SERPINI1: variants seen among roughly 807,000 people sequenced by gnomAD.
SERPINI1 encodes the protein serpin family I member 1.
SERPINI1 carries 19 observed loss-of-function variants against 41.1 expected under a neutral mutation model. The observed-to-expected ratio is 0.46, with a 90% CI of 0.32 to 0.68. The LOEUF is 0.68. SERPINI1 is among the 30% of genes least tolerant of loss of function. The pLI is 0.03. For synonymous variants in SERPINI1, 138 were observed against 156.6 expected, an observed-to-expected ratio of 0.88 and a Z score of 0.89; for missense variants, 460 against 479.2, an observed-to-expected ratio of 0.96 and a Z score of 0.37.
intron 5 of SERPINI1, among the ~76,000 whole-genome samples, chr3:167,799,577 C>G (rs1490930131): frequency 6.6e-6 from 1 of 152,152 alleles, no homozygotes. Context: ...ATTGCTGGGT[C>G]AAATGCTATT....
At chr3:167,739,658 T>G (rs1378671708) in intron 1 of SERPINI1, among the ~76,000 whole-genome samples, 1 of 152,212 alleles carries the variant, frequency 6.6e-6, no homozygotes, top group Non-Finnish European at 1.5e-5. Context: ...ATACCTTTGT[T>G]GAAGCTTATC....
intron 6 of SERPINI1, among the ~76,000 whole-genome samples, chr3:167,813,679 G>A (rs1036403264): frequency 6.6e-6 from 1 of 152,106 alleles, no homozygotes; most frequent in Non-Finnish European, 1.5e-5. Flanking sequence ...CTGTTAGCAC[G>A]TTTCATTTTC....
chr3:167,746,225 T>G (rs574059301), intron 1 of SERPINI1, among the ~76,000 whole-genome samples: 1 of 152,272 alleles, frequency 6.6e-6, no homozygotes, highest in South Asian at 2.1e-4. Flanking sequence ...CAACTGGATA[T>G]CTACATGGAA....
At chr3:167,793,574 A>G (rs1280745050) in intron 4 of SERPINI1, among the ~76,000 whole-genome samples, 1 of 121,068 alleles carries the variant, frequency 8.3e-6, no homozygotes, top group Non-Finnish European at 1.7e-5. Context: ...CTTTCTCTAC[A>G]AATATATATA....
At chr3:167,740,786 G>T (rs1335910581) in intron 1 of SERPINI1, among the ~76,000 whole-genome samples, 1 of 152,152 alleles carries the variant, frequency 6.6e-6, no homozygotes, top group African/African-American at 2.4e-5. Context: ...ATGCTATTTG[G>T]GGTTTATGTG....
chr3:167,806,564 GT>G (rs1354201203), intron 5 of SERPINI1, among the ~76,000 whole-genome samples: 1 of 152,030 alleles, frequency 6.6e-6, no homozygotes, highest in African/African-American at 2.4e-5. Context: ...TTGATTAATA[GT>G]TTTTTTGTGA....
At chr3:167,808,252 G>A (rs1309993649) in intron 6 of SERPINI1, among the ~76,000 whole-genome samples, 1 of 149,150 alleles carries the variant, frequency 6.7e-6, no homozygotes, top group East Asian at 1.9e-4. Context: ...AAATCCAATT[G>A]AATTATTTGA....
At chr3:167,785,305 G>A (rs114188258) in intron 1 of SERPINI1, among the ~76,000 whole-genome samples, 4,436 of 152,226 alleles carry the variant, frequency 0.029, 234 homozygotes, top group African/African-American at 0.1. Flanking sequence ...TGCAGAGTGC[G>A]GATTAATACC....
chr3:167,737,374 G>C (rs562377322), intron 1 of SERPINI1, among the ~76,000 whole-genome samples: 10 of 152,208 alleles, frequency 6.6e-5, no homozygotes, highest in African/African-American at 2.4e-4. Flanking sequence ...AGCAACAGTA[G>C]CTGCTAAACT....
chr3:167,803,943 G>A (rs1341047731), intron 5 of SERPINI1, among the ~76,000 whole-genome samples: 2 of 152,124 alleles, frequency 1.3e-5, no homozygotes, highest in Non-Finnish European at 2.9e-5. Context: ...TCTGTTTTAT[G>A]CTCTTGCAAG....
intron 6 of SERPINI1, among the ~76,000 whole-genome samples, chr3:167,821,331 C>A (rs1266041657): frequency 6.6e-6 from 1 of 152,202 alleles, no homozygotes; most frequent in Non-Finnish European, 1.5e-5. Flanking sequence ...AGCTCCCGAG[C>A]CAGGGCTGTG....
At chr3:167,785,693 G>A (rs1302189610) in intron 1 of SERPINI1, among the ~76,000 whole-genome samples, 3 of 152,112 alleles carry the variant, frequency 2.0e-5, no homozygotes, top group African/African-American at 7.2e-5. Context: ...CTCATGGTAC[G>A]TTCATTTGTA....
chr3:167,789,391 A>G lies in SERPINI1; in HGVS notation c.250+13A>G, dbSNP rs77880879. 1.2e-3 allele frequency: 1,873 copies of G among 1,613,940 alleles called. 16 individuals are homozygous for G. The African/African-American group carries it at 0.022, about 19-fold the overall frequency. ...AGCCTAAAAAATGGTAAGAGTGATC[A>G]GGTTTGATTTCTCAAGACTTTTGAA... On this transcript the variant is annotated intron_variant, in intron 2 of 8. Transcript: ENST00000446050.
At chr3:167,806,425 A>G (rs917876836) in intron 5 of SERPINI1, among the ~76,000 whole-genome samples, 8 of 152,196 alleles carry the variant, frequency 5.3e-5, no homozygotes, top group Admixed American at 1.3e-4. Flanking sequence ...GCAAACCACC[A>G]TGATACATGT....
intron 1 of SERPINI1, among the ~76,000 whole-genome samples, chr3:167,768,717 A>G (rs1294405859): frequency 6.6e-6 from 1 of 152,218 alleles, no homozygotes; most frequent in Non-Finnish European, 1.5e-5. Context: ...CTAACGTATT[A>G]TGCACATCCC....
intron 5 of SERPINI1, 135 bp downstream of exon 5, chr3:167,794,959 C>G: frequency 1.4e-6 from 1 of 708,962 alleles, no homozygotes; most frequent in Non-Finnish European, 2.5e-6. Context: ...TGTTCTTCTC[C>G]TTCTCTTTCT....
intron 6 of SERPINI1, among the ~76,000 whole-genome samples, chr3:167,819,165 A>T (rs1411086077): frequency 2.0e-5 from 3 of 152,058 alleles, no homozygotes; most frequent in Admixed American, 2.0e-4. Context: ...TTACTATTTT[A>T]AAATTAAAAT....
Position 167,747,919 on chromosome 3 carries a change from GT to G in SERPINI1, c.-19+12103del, listed in dbSNP as rs1290447463. Among the ~76,000 whole-genome samples the G allele has an allele frequency of 4.6e-5, 7 of 151,268 alleles. No homozygotes were observed. The South Asian group carries it at 1.5e-3, about 31-fold the overall frequency. On this transcript the variant is annotated intron_variant, in intron 1 of 8. Coordinates refer to ENST00000446050, the MANE Select transcript of SERPINI1 (RefSeq NM_001122752.2). ...TAAGACCTACCCACACTTTGTTAAA[GT>G]TTTTTTGTGTTTTGTTGTTTTTTTT...
At chr3:167,772,897 C>T (rs71627214) in intron 1 of SERPINI1, among the ~76,000 whole-genome samples, 2,674 of 38,486 alleles carry the variant, frequency 0.069, 45 homozygotes, top group African/African-American at 0.12. Flanking sequence ...TATATATACA[C>T]ACACACACAC....
Sources: gnomAD v4.1 joint callset for allele counts (sites outside exome capture counted in the v4.1 genomes callset) on GRCh38, gnomAD v4.1.1 for gene constraint, MANE v1.5 for transcripts, NCBI Gene and HGNC (gene_info 2026-07-23, HGNC 2026-07-21) for gene names.